AK5: variants seen among roughly 807,000 people sequenced by gnomAD.
AK5 encodes the protein adenylate kinase isoenzyme 5.
A neutral mutation model predicts 69.5 loss-of-function variants in AK5; 27 were observed. The observed-to-expected ratio is 0.39, with a 90% CI of 0.29 to 0.54. The LOEUF (loss-of-function observed/expected upper bound fraction) is 0.54, where lower values mean the gene tolerates loss of function less well. Among genes scored for constraint, AK5 ranks in the 20% least tolerant of loss-of-function variants. AK5 has a pLI of 0.71. For missense variants in AK5, 531 were observed against 700.4 expected (o/e 0.76, Z 2.73); for synonymous variants, 260 against 244.4 (o/e 1.06, Z -0.60).
intron 5 of AK5, among the ~76,000 whole-genome samples, chr1:77,317,023 A>G (rs570822566): frequency 6.6e-6 from 1 of 152,330 alleles, no homozygotes; most frequent in Non-Finnish European, 1.5e-5. Flanking sequence ...CACGTGCTTT[A>G]TATGGGTCAG....
intron 5 of AK5, among the ~76,000 whole-genome samples, chr1:77,308,656 T>C (rs535388250): frequency 2.5e-4 from 38 of 152,172 alleles, no homozygotes; most frequent in Middle Eastern, 3.4e-3. Context: ...TCGTATTTCA[T>C]GGAATGGGAG....
chr1:77,382,837 T>A (rs1033493049), intron 6 of AK5, among the ~76,000 whole-genome samples: 8 of 151,642 alleles, frequency 5.3e-5, no homozygotes, highest in Admixed American at 3.9e-4. Flanking sequence ...TTATTGTTAA[T>A]AATAATACTC....
At chr1:77,407,999 A>G (rs1023748422) in intron 6 of AK5, among the ~76,000 whole-genome samples, 3 of 152,120 alleles carry the variant, frequency 2.0e-5, no homozygotes, top group Non-Finnish European at 2.9e-5. Context: ...TCCATGATGT[A>G]TATGTACCAC....
intron 8 of AK5, among the ~76,000 whole-genome samples, chr1:77,473,942 A>G (rs966950595): frequency 2.0e-5 from 3 of 152,196 alleles, no homozygotes; most frequent in African/African-American, 7.2e-5. Flanking sequence ...TGGTGAGGGT[A>G]AAGTGACTGG....
intron 6 of AK5, among the ~76,000 whole-genome samples, chr1:77,352,872 G>A (rs1368583084): frequency 6.6e-6 from 1 of 152,102 alleles, no homozygotes; most frequent in Non-Finnish European, 1.5e-5. Flanking sequence ...GCTTCTGATA[G>A]GTTAGTCTTA....
chr1:77,540,491 A>G lies in AK5; in HGVS notation c.1620+4453A>G, dbSNP rs528597724. ...GCTCAACACAGCCGTATGGACCATC[A>G]CCCCCAACTGACTAGAATTAGCCTA... On this transcript the variant is annotated intron_variant, in intron 13 of 13. Transcript: ENST00000354567. 6 of 152,182 alleles carry G rather than the reference A, an allele frequency of 3.9e-5. No homozygotes were observed. The South Asian group carries it at 1.0e-3, about 26-fold the overall frequency. 9.4% of individuals were successfully genotyped at this position (152,182 alleles called of 1,614,324 possible). A position where few individuals can be genotyped will look rare whatever the true frequency, so the allele number is the denominator to read the frequency against.
chr1:77,451,740 G>A (rs1239091530), intron 8 of AK5, among the ~76,000 whole-genome samples: 1 of 152,178 alleles, frequency 6.6e-6, no homozygotes, highest in Admixed American at 6.5e-5. Context: ...TCTCAACCAT[G>A]CTTTTGTATA....
intron 6 of AK5, among the ~76,000 whole-genome samples, chr1:77,349,896 C>T (rs1318348112): frequency 3.9e-5 from 6 of 152,302 alleles, no homozygotes; most frequent in Non-Finnish European, 5.9e-5. Flanking sequence ...TTAAGTCTTA[C>T]GTTCCATTTC....
intron 6 of AK5, among the ~76,000 whole-genome samples, chr1:77,396,840 G>C (rs1648864133): frequency 6.6e-6 from 1 of 152,220 alleles, no homozygotes; most frequent in Non-Finnish European, 1.5e-5. Flanking sequence ...CCTTGGGAAA[G>C]TGTTACGTTG....
intron 5 of AK5, among the ~76,000 whole-genome samples, chr1:77,337,738 T>C (rs529872867): frequency 3.9e-5 from 6 of 152,310 alleles, no homozygotes; most frequent in African/African-American, 1.4e-4. Flanking sequence ...TACTAACTTC[T>C]GAGTTGGGAG....
chr1:77,460,526 A>G (rs577317176), intron 8 of AK5, among the ~76,000 whole-genome samples: 26 of 152,344 alleles, frequency 1.7e-4, no homozygotes, highest in East Asian at 3.9e-4. Flanking sequence ...AGAATGCTCT[A>G]TATTTCAAAT....
chr1:77,298,671 A>G (rs1169432719), intron 5 of AK5, among the ~76,000 whole-genome samples: 1 of 151,016 alleles, frequency 6.6e-6, no homozygotes, highest in Non-Finnish European at 1.5e-5. Context: ...ACACACACAC[A>G]AAATTAACCG....
intron 10 of AK5, among the ~76,000 whole-genome samples, chr1:77,507,537 A>G (rs960723199): frequency 6.6e-6 from 1 of 152,206 alleles, no homozygotes; most frequent in African/African-American, 2.4e-5. Flanking sequence ...CAACTATACC[A>G]CTGGTGTGAA....
chr1:77,439,209 T>C (rs777859105), intron 8 of AK5, among the ~76,000 whole-genome samples: 4 of 152,196 alleles, frequency 2.6e-5, no homozygotes, highest in Middle Eastern at 3.2e-3. Flanking sequence ...ATACATTTGC[T>C]GTAGTAATCT....
intron 5 of AK5, among the ~76,000 whole-genome samples, chr1:77,319,420 G>A (rs778243387): frequency 6.6e-6 from 1 of 152,158 alleles, no homozygotes; most frequent in Non-Finnish European, 1.5e-5. Flanking sequence ...ATTTATTAAG[G>A]GCTGAAACTC....
intron 8 of AK5, among the ~76,000 whole-genome samples, chr1:77,471,980 A>G (rs1331440316): frequency 1.3e-5 from 2 of 152,210 alleles, no homozygotes; most frequent in African/African-American, 2.4e-5. Flanking sequence ...TTAACCCTTA[A>G]TAACTTATTT....
rs146627950 is a variant in AK5 at position 77,376,106 on chromosome 1, G to A, written c.892-34875G>A. Among the ~76,000 whole-genome samples the A allele has an allele frequency of 1.5e-3, 232 of 152,166 alleles. 1 individual carries two copies. Among genetic ancestry groups the A allele is most frequent in the Non-Finnish European group, 2.5e-3 (171 of 67,990 alleles). ...GCAGTAAAATTTATACTGCAGTGTCGAACACATTCAGCACAGCTTCAGACT... is the reference window on the plus strand; with the variant it reads ...GCAGTAAAATTTATACTGCAGTGTCAAACACATTCAGCACAGCTTCAGACT... On this transcript the variant is annotated intron_variant, in intron 6 of 13. Transcript: ENST00000354567.
chr1:77,395,209 C>T (rs1433710931), intron 6 of AK5, among the ~76,000 whole-genome samples: 1 of 152,140 alleles, frequency 6.6e-6, no homozygotes, highest in Non-Finnish European at 1.5e-5. Flanking sequence ...CCTACAAAGT[C>T]TCTTTGTCAT....
At chr1:77,455,595 T>C (rs1035303072) in intron 8 of AK5, among the ~76,000 whole-genome samples, 5 of 152,152 alleles carry the variant, frequency 3.3e-5, no homozygotes, top group African/African-American at 9.7e-5. Context: ...AACTTCTACT[T>C]CCCAGCATCC....
Sources: allele counts gnomAD v4.1 joint callset (sites outside exome capture counted in the v4.1 genomes callset), GRCh38; gene constraint gnomAD v4.1.1; transcripts MANE v1.5; gene names NCBI Gene and HGNC (gene_info 2026-07-23, HGNC 2026-07-21).